TRAK2: variants seen among roughly 807,000 people sequenced by gnomAD.
TRAK2 encodes trafficking kinesin-binding protein 2.
Under a neutral mutation model 104.6 loss-of-function variants are expected in TRAK2, and 81 were observed. The ratio of observed to expected loss-of-function variants is 0.77; its 90% CI spans 0.65 to 0.93. The LOEUF is 0.93. Ranked by LOEUF, TRAK2 falls within the 40% of genes least tolerant of loss-of-function variation. The pLI is 0.00. For missense variants in TRAK2, 1,002 were observed against 1,089.0 expected (o/e 0.92, Z 1.12); for synonymous variants, 406 against 394.4 (o/e 1.03, Z -0.35).
chr2:201,401,780 G>A (rs916685635), intron 3 of TRAK2, among the ~76,000 whole-genome samples: 4 of 152,092 alleles, frequency 2.6e-5, no homozygotes, highest in Middle Eastern at 3.4e-3. Context: ...AATGTACCTG[G>A]ATAATTTAGT....
intron 1 of TRAK2, among the ~76,000 whole-genome samples, chr2:201,449,651 ATT>A (rs1165373025): frequency 1.2e-4 from 16 of 135,746 alleles, no homozygotes; most frequent in South Asian, 2.4e-4. Context: ...TGCCTGGCTA[ATT>A]TTTTTTTTTT....
chr2:201,412,403 C>T, intron 2 of TRAK2: 1 of 1,322,652 alleles, frequency 7.6e-7, no homozygotes, highest in Non-Finnish European at 1.1e-6. Flanking sequence ...AGTAGCCTTA[C>T]ATGTTCACGA....
intron 1 of TRAK2, among the ~76,000 whole-genome samples, chr2:201,442,923 CAT>C (rs1951937097): frequency 1.3e-5 from 2 of 152,104 alleles, no homozygotes; most frequent in South Asian, 4.1e-4. Context: ...ATTTTTCTAC[CAT>C]GTGTATATGT....
chr2:201,390,746 CG>C (rs1220253996), intron 10 of TRAK2, among the ~76,000 whole-genome samples: 1 of 151,402 alleles, frequency 6.6e-6, no homozygotes, highest in Non-Finnish European at 1.5e-5. Context: ...TGGTATTTAA[CG>C]ATTGCTTTTT....
intron 2 of TRAK2, chr2:201,412,961 C>T: frequency 5.2e-6 from 4 of 772,794 alleles, no homozygotes; most frequent in Middle Eastern, 2.3e-4. Context: ...TGGTTCTGTA[C>T]ACAACACCAA....
rs1348175438 is a variant in TRAK2 at position 201,378,143 on chromosome 2, A to G, written c.*2400T>C. 3 of 152,152 alleles carry G rather than the reference A, an allele frequency of 2.0e-5. No individual in the cohort carries two copies. The highest frequency in any genetic ancestry group is 4.4e-5 in the Non-Finnish European group (3 of 68,012). The allele number at this position is 152,152 out of a possible 1,614,324, so 9.4% of individuals were successfully genotyped here. ...TTTAAGACAGGATTCCTTTCTAGAG[A>G]CATTACACAACAGTATACACTTAAG... On this transcript the variant is annotated 3_prime_UTR_variant, in exon 16 of 16. Transcript: ENST00000332624.
intron 1 of TRAK2, chr2:201,433,596 T>C (rs1434967098): frequency 6.6e-6 from 1 of 152,208 alleles, no homozygotes; most frequent in Non-Finnish European, 1.5e-5. Flanking sequence ...CTGCCCTGTT[T>C]GTTTATAATG....
intron 1 of TRAK2, among the ~76,000 whole-genome samples, chr2:201,440,194 A>G (rs181213830): frequency 5.9e-5 from 9 of 152,244 alleles, no homozygotes; most frequent in Admixed American, 3.9e-4. Flanking sequence ...TTCTCCCTAT[A>G]GTAAATAATC....
intron 3 of TRAK2, among the ~76,000 whole-genome samples, chr2:201,404,959 C>T (rs562339082): frequency 6.6e-6 from 1 of 152,310 alleles, no homozygotes; most frequent in South Asian, 2.1e-4. Flanking sequence ...ATGATACACA[C>T]CATCTAGGGC....
At chr2:201,417,663 G>A (rs924709182) in intron 2 of TRAK2, among the ~76,000 whole-genome samples, 3 of 152,132 alleles carry the variant, frequency 2.0e-5, no homozygotes, top group South Asian at 2.1e-4. Context: ...TTGGAAATAC[G>A]TCAAGGATGT....
intron 7 of TRAK2, among the ~76,000 whole-genome samples, chr2:201,396,403 C>T (rs1460209241): frequency 6.6e-6 from 1 of 152,070 alleles, no homozygotes; most frequent in African/African-American, 2.4e-5. Context: ...ATTTTCATAT[C>T]ATTGTTTTCA....
intron 15 of TRAK2, among the ~76,000 whole-genome samples, chr2:201,382,237 T>C (rs1274634192): frequency 3.3e-5 from 5 of 152,206 alleles, no homozygotes; most frequent in African/African-American, 4.8e-5. Flanking sequence ...AGTGATGAAA[T>C]AGAGATGGTA....
intron 1 of TRAK2, among the ~76,000 whole-genome samples, chr2:201,424,642 GC>G (rs1951771339): frequency 6.6e-6 from 1 of 150,524 alleles, no homozygotes; most frequent in African/African-American, 2.5e-5. Flanking sequence ...TCACTCTTTC[GC>G]CCAGGCCGGA....
chr2:201,441,696 T>A (rs1220211208), intron 1 of TRAK2, among the ~76,000 whole-genome samples: 2 of 150,926 alleles, frequency 1.3e-5, no homozygotes, highest in Non-Finnish European at 3.0e-5. Context: ...TTTTTTTTTT[T>A]AATTTTCTCC....
intron 9 of TRAK2, among the ~76,000 whole-genome samples, chr2:201,394,272 T>A (rs1419663612): frequency 6.6e-6 from 1 of 152,138 alleles, no homozygotes; most frequent in Non-Finnish European, 1.5e-5. Context: ...AGGTTTTCCC[T>A]ATTAATCAAG....
chr2:201,392,061 T>C (rs1467848769), intron 10 of TRAK2, among the ~76,000 whole-genome samples: 1 of 152,190 alleles, frequency 6.6e-6, no homozygotes, highest in Non-Finnish European at 1.5e-5. Flanking sequence ...TCCTCGTTTT[T>C]AGTAAATACA....
At chr2:201,381,587 GAAAGT>G in intron 15 of TRAK2, among the ~76,000 whole-genome samples, 1 of 152,214 alleles carries the variant, frequency 6.6e-6, no homozygotes, top group South Asian at 2.1e-4. Context: ...GAAGATTAAG[GAAAGT>G]AATTTAGAAT....
intron 7 of TRAK2, among the ~76,000 whole-genome samples, chr2:201,395,646 T>C (rs1387691737): frequency 1.3e-5 from 2 of 151,960 alleles, no homozygotes; most frequent in Non-Finnish European, 2.9e-5. Context: ...GGGAACAGAA[T>C]AGGAGACAAT....
At chr2:201,384,052 A>C in intron 15 of TRAK2, 59 bp downstream of exon 15, 2 of 1,088,124 alleles carry the variant, frequency 1.8e-6, no homozygotes, top group Non-Finnish European at 2.7e-6. Context: ...TTAAAAAGAA[A>C]TTCATGAAAA....
Sources: allele counts gnomAD v4.1 joint callset (sites outside exome capture counted in the v4.1 genomes callset), GRCh38; gene constraint gnomAD v4.1.1; transcripts MANE v1.5; gene names NCBI Gene and HGNC (gene_info 2026-07-23, HGNC 2026-07-21).